ZNF577: variants seen among roughly 807,000 people sequenced by gnomAD.
The protein encoded by ZNF577 is zinc finger protein 577.
ZNF577 carries 14 observed loss-of-function variants against 13.9 expected under a neutral mutation model. The observed-to-expected ratio is 1.00, with a 90% CI of 0.66 to 1.57. ZNF577 has a LOEUF of 1.57. ZNF577 is among the 40% of genes most tolerant of loss of function. The pLI is 0.00. For synonymous variants in ZNF577, 203 were observed against 202.9 expected (o/e 1.00, Z 0.00); for missense variants, 555 against 579.2 (o/e 0.96, Z 0.43).
At chr19:51,848,296 T>C (rs1267532656) in intron 5 of ZNF577, among the ~76,000 whole-genome samples, 1 of 151,886 alleles carries the variant, frequency 6.6e-6, no homozygotes, top group Non-Finnish European at 1.5e-5. Context: ...ACACGAAAGG[T>C]GAGGCCGTAT....
chr19:51,814,241 C>T (rs1279561522), intron 9 of ZNF577, among the ~76,000 whole-genome samples: 1 of 152,174 alleles, frequency 6.6e-6, no homozygotes, highest in African/African-American at 2.4e-5. Flanking sequence ...AGGACAATGT[C>T]CTGATGTTGC....
chr19:51,884,330 G>A (rs77082285), intron 1 of ZNF577, among the ~76,000 whole-genome samples: 14,675 of 152,114 alleles, frequency 0.096, 797 homozygotes, highest in East Asian at 0.22. Context: ...ACTGGGATAC[G>A]TACAAGTTTC....
chr19:51,841,292 A>C (rs944297143), intron 8 of ZNF577, among the ~76,000 whole-genome samples: 1 of 152,138 alleles, frequency 6.6e-6, no homozygotes, highest in Admixed American at 6.5e-5. Flanking sequence ...TCACTTCTGC[A>C]GGTCTTATGC....
intron 5 of ZNF577, among the ~76,000 whole-genome samples, chr19:51,850,177 C>T (rs538454095): frequency 6.6e-6 from 1 of 152,298 alleles, no homozygotes; most frequent in East Asian, 1.9e-4. Context: ...TGGGAGATGA[C>T]CTCTAAGCCT....
intron 9 of ZNF577, among the ~76,000 whole-genome samples, chr19:51,837,069 A>G (rs2122531540): frequency 6.6e-6 from 1 of 151,854 alleles, no homozygotes; most frequent in Non-Finnish European, 1.5e-5. Flanking sequence ...AGAAAAGAAA[A>G]GAAAAAATTA....
intron 5 of ZNF577, chr19:51,861,355 T>G (rs2084500176): frequency 6.2e-6 from 1 of 160,178 alleles, no homozygotes; most frequent in Admixed American, 6.5e-5. Flanking sequence ...GGTCTCGAAC[T>G]CCCAACCTCA....
At chr19:51,840,616 T>C (rs538630514) in intron 8 of ZNF577, 1 of 152,272 alleles carries the variant, frequency 6.6e-6, no homozygotes, top group East Asian at 1.9e-4. Context: ...AGAATATTAG[T>C]TGTACTTCAG....
rs760730521 is a variant in ZNF577, at chr19:51,867,240, T to C, written c.*5292A>G. On this transcript the variant is annotated 3_prime_UTR_variant, in exon 6 of 6. Coordinates refer to ENST00000638348, the MANE Select transcript of ZNF577 (RefSeq NM_001370449.1). The stretch of plus-strand genomic sequence containing the variant: ...ATTTGTCTTAAGCCTTGCAAAGTCA[T>C]TGGAAAGAAAGGCAAAAGAAAGAAG... 2.6e-5 allele frequency among the ~76,000 whole-genome samples: 4 copies of C among 152,210 alleles called. No homozygotes were observed. Among genetic ancestry groups the C allele is most frequent in the Non-Finnish European group, 4.4e-5 (3 of 68,046 alleles).
In ZNF577 at chr19:51,873,412, T is replaced by G; in HGVS notation, c.578A>C (p.Lys193Thr). The change falls in exon 6 of 6, where the codon AAA (lysine) becomes ACA (threonine). Residue 193 changes from lysine to threonine, a missense_variant. Lys to Thr is a moderately conservative substitution (Grantham distance 78). Transcript: ENST00000638348. Reference sequence around the variant, plus strand: ...GAGCTGAATCTTCCTCATGAATGTTTTCCCACATTCACCACATCCATGGGG... The same window carrying G: ...GAGCTGAATCTTCCTCATGAATGTTGTCCCACATTCACCACATCCATGGGG... ...EKPHGCGECG[K>T]TFMRKIQLTE... is the part of the protein sequence containing the mutation. 1 of 1,614,218 alleles carries G rather than the reference T, an allele frequency of 6.2e-7. No individual in the cohort carries two copies.
At chr19:51,863,357 G>T (rs1009062388), downstream of ZNF577, 1 of 152,154 alleles carries the variant, frequency 6.6e-6, no homozygotes, top group Non-Finnish European at 1.5e-5. Flanking sequence ...CCAGAAAAAG[G>T]CTTCTTTTCC....
intron 10 of ZNF577, among the ~76,000 whole-genome samples, chr19:51,806,889 C>T (rs1414646329): frequency 6.6e-6 from 1 of 152,192 alleles, no homozygotes; most frequent in African/African-American, 2.4e-5. Flanking sequence ...ATAAGCTGAA[C>T]AAGAAGAATC....
intron 5 of ZNF577, among the ~76,000 whole-genome samples, chr19:51,875,891 CA>C (rs2084754039): frequency 6.6e-6 from 1 of 152,062 alleles, no homozygotes; most frequent in Non-Finnish European, 1.5e-5. Context: ...GTAGAGTGTT[CA>C]AAACAATAAA....
chr19:51,835,114 G>C (rs78901004), intron 9 of ZNF577, among the ~76,000 whole-genome samples: 8 of 150,546 alleles, frequency 5.3e-5, no homozygotes, highest in Non-Finnish European at 8.9e-5. Flanking sequence ...CAATAGAAGA[G>C]GAAATATTAA....
At position 51,870,577 on chromosome 19, in the gene ZNF577, C is replaced by A. The variant is rs1272676997; in HGVS notation, c.*1955G>T. On this transcript the variant is annotated 3_prime_UTR_variant, in exon 6 of 6. Transcript: ENST00000638348. The stretch of plus-strand genomic sequence containing the variant: ...TGTGTGTAATCCAAGGATTTTTCTG[C>A]GTGTTCATTTCTTCCTGTTCTTCCT... Among the ~76,000 whole-genome samples, 1 of 151,858 alleles carries A rather than the reference C, an allele frequency of 6.6e-6. No individual in the cohort carries two copies. Among genetic ancestry groups the A allele is most frequent in the Non-Finnish European group, 1.5e-5 (1 of 68,026 alleles).
intron 1 of ZNF577, among the ~76,000 whole-genome samples, chr19:51,885,695 G>A (rs7251755): frequency 0.22 from 32,740 of 151,932 alleles, 4,253 homozygotes; most frequent in South Asian, 0.41. Context: ...TATTTAGTAG[G>A]GATGGGGTTT....
At chr19:51,847,177 C>T (rs2084357227) in intron 5 of ZNF577, among the ~76,000 whole-genome samples, 1 of 152,158 alleles carries the variant, frequency 6.6e-6, no homozygotes, top group South Asian at 2.1e-4. Flanking sequence ...ACGATTTTGA[C>T]AACTCATGAA....
intron 1 of ZNF577, among the ~76,000 whole-genome samples, chr19:51,881,359 A>G (rs1000456759): frequency 1.3e-5 from 2 of 152,174 alleles, no homozygotes; most frequent in African/African-American, 4.8e-5. Context: ...AAACTGACTT[A>G]AAATCACCAC....
chr19:51,814,874 A>G (rs891713715), intron 9 of ZNF577, among the ~76,000 whole-genome samples: 2 of 151,544 alleles, frequency 1.3e-5, no homozygotes, highest in African/African-American at 4.9e-5. Flanking sequence ...CAGTGGCGCC[A>G]TCTCAGCTCA....
At chr19:51,832,444 C>A in intron 9 of ZNF577, among the ~76,000 whole-genome samples, 1 of 50,804 alleles carries the variant, frequency 2.0e-5, no homozygotes, top group Admixed American at 2.1e-4. Flanking sequence ...CAGCCTCTGC[C>A]CCCTGGGCTC....
Sources: gnomAD v4.1 joint callset for allele counts (sites outside exome capture counted in the v4.1 genomes callset) on GRCh38, gnomAD v4.1.1 for gene constraint, MANE v1.5 for transcripts, NCBI Gene and HGNC (gene_info 2026-07-23, HGNC 2026-07-21) for gene names.